TAFA4: variants seen among roughly 807,000 people sequenced by gnomAD.
TAFA4 encodes the protein TAFA chemokine like family member 4.
In TAFA4, 20 loss-of-function variants were observed where a neutral mutation model predicts 21.1. That is an observed-to-expected ratio of 0.95 (90% CI 0.67 to 1.38). TAFA4 has a LOEUF of 1.38. TAFA4 is among the 40% of genes most tolerant of loss of function. The pLI is 0.00. For missense variants in TAFA4, 211 were observed against 180.9 expected, an observed-to-expected ratio of 1.17 and a Z score of -0.95; for synonymous variants, 71 against 67.4, an observed-to-expected ratio of 1.05 and a Z score of -0.26.
At chr3:68,866,072 C>T (rs140404075) in intron 3 of TAFA4, among the ~76,000 whole-genome samples, 5 of 152,156 alleles carry the variant, frequency 3.3e-5, no homozygotes, top group East Asian at 1.9e-4. Flanking sequence ...CAGCAAGTGC[C>T]GGTAGGGAGA....
At chr3:68,783,464 A>G (rs1703186128) in intron 3 of TAFA4, among the ~76,000 whole-genome samples, 1 of 152,156 alleles carries the variant, frequency 6.6e-6, no homozygotes, top group Non-Finnish European at 1.5e-5. Flanking sequence ...TGAGATGAGG[A>G]GAGGCCTTCC....
At chr3:68,916,027 C>T (rs1043434814) in intron 1 of TAFA4, 1 of 152,214 alleles carries the variant, frequency 6.6e-6, no homozygotes, top group Non-Finnish European at 1.5e-5. Flanking sequence ...TCAAAACCTA[C>T]CAGTGTGAAT....
chr3:68,739,395 G>A (rs1296054672), intron 4 of TAFA4, among the ~76,000 whole-genome samples, 196 bp from the exon 5 acceptor site: 2 of 152,144 alleles, frequency 1.3e-5, no homozygotes, highest in Non-Finnish European at 2.9e-5. Flanking sequence ...AAAAGCAACA[G>A]ATGTTGGTGA....
At chr3:68,861,747 C>T (rs2089347685) in intron 3 of TAFA4, among the ~76,000 whole-genome samples, 1 of 151,990 alleles carries the variant, frequency 6.6e-6, no homozygotes, top group Non-Finnish European at 1.5e-5. Flanking sequence ...TTACTTCTCA[C>T]TCCACAAGCA....
intron 1 of TAFA4, among the ~76,000 whole-genome samples, chr3:68,892,411 G>C (rs745987741): frequency 2.0e-5 from 3 of 152,148 alleles, no homozygotes; most frequent in Non-Finnish European, 4.4e-5. Flanking sequence ...TTAGGTGGTA[G>C]AGAGTTGTTT....
intron 1 of TAFA4, among the ~76,000 whole-genome samples, chr3:68,910,985 G>A (rs145553818): frequency 7.9e-5 from 12 of 152,294 alleles, no homozygotes; most frequent in African/African-American, 2.4e-4. Flanking sequence ...GATAGATTTT[G>A]CCTGAAATAT....
At chr3:68,749,363 CTT>C (rs60257699) in intron 4 of TAFA4, among the ~76,000 whole-genome samples, 6,541 of 152,182 alleles carry the variant, frequency 0.043, 360 homozygotes, top group East Asian at 0.25. Context: ...ATCTTCTTGC[CTT>C]TGTTTTAATT....
At chr3:68,799,185 C>T (rs550008455) in intron 3 of TAFA4, among the ~76,000 whole-genome samples, 1 of 152,146 alleles carries the variant, frequency 6.6e-6, no homozygotes, top group Non-Finnish European at 1.5e-5. Context: ...TTAGTCCATT[C>T]AGGCTGCTGT....
chr3:68,920,754 A>G (rs1382686242), intron 1 of TAFA4, among the ~76,000 whole-genome samples: 1 of 151,706 alleles, frequency 6.6e-6, no homozygotes, highest in Admixed American at 6.6e-5. Context: ...ATGCAGCCTA[A>G]GTGGCTGTAA....
chr3:68,929,071 T>G (rs1415529391), intron 1 of TAFA4, among the ~76,000 whole-genome samples: 1 of 152,142 alleles, frequency 6.6e-6, no homozygotes, highest in Non-Finnish European at 1.5e-5. Context: ...TCTCTTATTT[T>G]TCAGCAGATA....
chr3:68,925,450 A>C (rs894646616), intron 1 of TAFA4, among the ~76,000 whole-genome samples: 1 of 152,206 alleles, frequency 6.6e-6, no homozygotes, highest in African/African-American at 2.4e-5. Context: ...AATTCACCCC[A>C]GTAATTTTTT....
Position 68,822,663 on chromosome 3 carries a change from T to C in TAFA4, c.130+58067A>G, listed in dbSNP as rs1259712541. ...ATTTTTGTCTTTTGTAGAGATGGAGTTTAACCATGTTTCAGGGAGGCTGGT... is the reference window on the plus strand; with the variant it reads ...ATTTTTGTCTTTTGTAGAGATGGAGCTTAACCATGTTTCAGGGAGGCTGGT... On this transcript the variant is annotated intron_variant, in intron 3 of 5. Coordinates refer to ENST00000295569, the MANE Select transcript of TAFA4 (RefSeq NM_182522.5). Among the ~76,000 whole-genome samples the C allele has an allele frequency of 5.9e-5, 9 of 151,910 alleles. No individual in the cohort carries two copies. In the East Asian group the frequency reaches 1.7e-3, roughly 29 times the overall value.
At chr3:68,744,188 G>A (rs1008564440) in intron 4 of TAFA4, among the ~76,000 whole-genome samples, 1 of 152,196 alleles carries the variant, frequency 6.6e-6, no homozygotes, top group African/African-American at 2.4e-5. Flanking sequence ...AGATTCAAAA[G>A]CAGTCTTGAC....
intron 1 of TAFA4, among the ~76,000 whole-genome samples, chr3:68,918,941 A>C (rs949767252): frequency 6.6e-6 from 1 of 152,202 alleles, no homozygotes; most frequent in African/African-American, 2.4e-5. Context: ...ATACACAGAC[A>C]TATACAGCAT....
At chr3:68,842,096 G>A (rs745341711) in intron 3 of TAFA4, among the ~76,000 whole-genome samples, 21 of 152,082 alleles carry the variant, frequency 1.4e-4, no homozygotes, top group Non-Finnish European at 2.4e-4. Context: ...GGTATTTCTG[G>A]TTCTAGATCC....
intron 3 of TAFA4, among the ~76,000 whole-genome samples, chr3:68,770,405 CA>C (rs1702931264): frequency 6.6e-6 from 1 of 152,134 alleles, no homozygotes; most frequent in Non-Finnish European, 1.5e-5. Flanking sequence ...TTGCTGATAA[CA>C]GTGATTATCT....
Position 68,732,329 on chromosome 3 carries a change from A to T in TAFA4, c.*813T>A, listed in dbSNP as rs936607023. On this transcript the variant is annotated 3_prime_UTR_variant, in exon 6 of 6. Coordinates refer to ENST00000295569, the MANE Select transcript of TAFA4 (RefSeq NM_182522.5). ...TGATCTAAGAAATAACCCTTGATCTAAATTGAGATTGTTTTATATTTTAAA... is the reference window on the plus strand; with the variant it reads ...TGATCTAAGAAATAACCCTTGATCTTAATTGAGATTGTTTTATATTTTAAA... 1 of 152,596 alleles carries T rather than the reference A, an allele frequency of 6.6e-6. No homozygotes were observed. The highest frequency in any genetic ancestry group is 2.4e-5 in the African/African-American group (1 of 41,450). The allele number at this position is 152,596 out of a possible 1,614,324, so 9.5% of individuals were successfully genotyped here. A position where few individuals can be genotyped will look rare whatever the true frequency, so the allele number is the denominator to read the frequency against.
At chr3:68,840,269 G>A (rs939239821) in intron 3 of TAFA4, among the ~76,000 whole-genome samples, 1 of 152,160 alleles carries the variant, frequency 6.6e-6, no homozygotes, top group African/African-American at 2.4e-5. Flanking sequence ...GTGCAGTGGT[G>A]CAAACACAGC....
chr3:68,827,522 T>C (rs1020531035), intron 3 of TAFA4, among the ~76,000 whole-genome samples: 4 of 152,228 alleles, frequency 2.6e-5, no homozygotes, highest in Non-Finnish European at 4.4e-5. Context: ...AGCCTTCCTA[T>C]TTCTCCACAT....
Sources: gnomAD v4.1 joint callset for allele counts (sites outside exome capture counted in the v4.1 genomes callset) on GRCh38, gnomAD v4.1.1 for gene constraint, MANE v1.5 for transcripts, NCBI Gene and HGNC (gene_info 2026-07-23, HGNC 2026-07-21) for gene names.